The following RBMS1 variants were observed in gnomAD, a reference collection of about 807,000 sequenced individuals.
RBMS1 encodes the protein RNA binding motif single stranded interacting protein 1.
Under a neutral mutation model 62.3 loss-of-function variants are expected in RBMS1, and 17 were observed. The ratio of observed to expected loss-of-function variants is 0.27; its 90% CI spans 0.19 to 0.41. The LOEUF is 0.41. RBMS1 is among the 10% of genes least tolerant of loss of function. The pLI, the probability that RBMS1 is intolerant of heterozygous loss-of-function variation, is 1.00. For synonymous variants in RBMS1, 172 were observed against 170.0 expected (o/e 1.01, Z -0.09); for missense variants, 334 against 504.5 (o/e 0.66, Z 3.24).
chr2:160,400,348 A>T (rs1695370110), intron 1 of RBMS1, among the ~76,000 whole-genome samples: 1 of 152,066 alleles, frequency 6.6e-6, no homozygotes, highest in South Asian at 2.1e-4. Flanking sequence ...ACAAAATGAA[A>T]AATACAAACA....
chr2:160,362,094 C>G (rs149535341), intron 2 of RBMS1, among the ~76,000 whole-genome samples: 164 of 152,330 alleles, frequency 1.1e-3, no homozygotes, highest in African/African-American at 3.7e-3. Flanking sequence ...AGAGAAGGCT[C>G]ACTTCTCTCA....
rs756246053 is a variant in RBMS1, at chr2:160,311,209, A to AATCTATCTATCT, written c.402+1935_402+1946dup. Among the ~76,000 whole-genome samples, 68 of 57,728 alleles carry AATCTATCTATCT rather than the reference A, an allele frequency of 1.2e-3. 1 individual carries two copies. Among genetic ancestry groups the AATCTATCTATCT allele is most frequent in the African/African-American group, 3.1e-3 (65 of 21,266 alleles). 37.9% of individuals were successfully genotyped at this position (57,728 alleles called of 152,430 possible). On this transcript the variant is annotated intron_variant, in intron 4 of 13. Coordinates refer to ENST00000348849, the MANE Select transcript of RBMS1 (RefSeq NM_016836.4). The stretch of plus-strand genomic sequence containing the variant: ...GACCCTGTCTCCAAAAAAAAAAAAA[A>AATCTATCTATCT]ATCTATCTATCTATCTATCTATCTA...
intron 1 of RBMS1, among the ~76,000 whole-genome samples, chr2:160,437,743 A>T (rs1364385542): frequency 6.6e-6 from 1 of 152,248 alleles, no homozygotes; most frequent in Non-Finnish European, 1.5e-5. Context: ...GGAATGGTCC[A>T]TATTGCCTGT....
intron 1 of RBMS1, among the ~76,000 whole-genome samples, chr2:160,375,896 G>GA (rs34226372): frequency 0.32 from 40,004 of 126,798 alleles, 6,237 homozygotes; most frequent in Middle Eastern, 0.45. Context: ...AAAATAAATG[G>GA]AAAAAAAAAA....
chr2:160,303,766 T>C (rs1423075733), intron 4 of RBMS1, among the ~76,000 whole-genome samples: 27 of 152,182 alleles, frequency 1.8e-4, no homozygotes, highest in Non-Finnish European at 4.4e-5. Context: ...TCTCAGTTGT[T>C]TGCGGTGTTT....
chr2:160,300,585 C>T (rs1460285775), intron 6 of RBMS1, 66 bp downstream of exon 6: 10 of 1,489,506 alleles, frequency 6.7e-6, no homozygotes, highest in Admixed American at 2.4e-5. Flanking sequence ...GAAGAGTCAT[C>T]ATGTGCTAAA....
At chr2:160,280,932 C>T (rs2105931261) in intron 10 of RBMS1, among the ~76,000 whole-genome samples, 1 of 152,242 alleles carries the variant, frequency 6.6e-6, no homozygotes, top group South Asian at 2.1e-4. Context: ...CCAAGTAACA[C>T]TGATGAAAAT....
intron 1 of RBMS1, among the ~76,000 whole-genome samples, chr2:160,432,814 A>G (rs1297459048): frequency 1.3e-5 from 2 of 151,878 alleles, no homozygotes; most frequent in African/African-American, 4.9e-5. Context: ...ACACTGCAGG[A>G]AATCTTTGTG....
chr2:160,425,102 C>T (rs1574041878), intron 1 of RBMS1, among the ~76,000 whole-genome samples: 1 of 152,258 alleles, frequency 6.6e-6, no homozygotes, highest in East Asian at 1.9e-4. Flanking sequence ...AAATTATCAT[C>T]TCCATTCCTG....
At chr2:160,473,438 T>A (rs1388584735) in intron 1 of RBMS1, among the ~76,000 whole-genome samples, 1 of 152,178 alleles carries the variant, frequency 6.6e-6, no homozygotes, top group Non-Finnish European at 1.5e-5. Flanking sequence ...TAAAAGTATT[T>A]TTAGGCAAAA....
chr2:160,282,356 T>C (rs770268791), intron 9 of RBMS1: 3 of 1,347,792 alleles, frequency 2.2e-6, no homozygotes, highest in South Asian at 1.1e-5. Context: ...TTCAGTTATC[T>C]GGACTGTAGC....
At chr2:160,441,008 C>T (rs1050050280) in intron 1 of RBMS1, among the ~76,000 whole-genome samples, 1 of 152,200 alleles carries the variant, frequency 6.6e-6, no homozygotes, top group East Asian at 1.9e-4. Context: ...TTCCCTTCCA[C>T]GAGTGTTCCC....
At chr2:160,493,237 G>C (rs994232039) in intron 1 of RBMS1, 52 bp downstream of exon 1, 38 of 1,554,022 alleles carry the variant, frequency 2.4e-5, no homozygotes, top group Non-Finnish European at 3.3e-5. Flanking sequence ...GACCCTGCGC[G>C]CGTCCCCGGG....
At position 160,390,428 on chromosome 2, in the gene RBMS1, T is replaced by C. The variant is rs117460842; in HGVS notation, c.76-23037A>G. ...GGAAGGGCTCAAGACTGATGGCTCATGCCTGTAATCTCAACACTTCGGAAG... is the reference window on the plus strand; with the variant it reads ...GGAAGGGCTCAAGACTGATGGCTCACGCCTGTAATCTCAACACTTCGGAAG... On this transcript the variant is annotated intron_variant, in intron 1 of 13. Coordinates refer to ENST00000348849, the MANE Select transcript of RBMS1 (RefSeq NM_016836.4). Among the ~76,000 whole-genome samples the C allele has an allele frequency of 1.7e-3, 264 of 152,318 alleles. 6 individuals are homozygous for C. The East Asian group carries it at 0.044, about 25-fold the overall frequency.
intron 1 of RBMS1, among the ~76,000 whole-genome samples, chr2:160,434,940 C>T (rs1683052743): frequency 6.6e-6 from 1 of 152,100 alleles, no homozygotes; most frequent in Non-Finnish European, 1.5e-5. Context: ...TGGTAAGAAT[C>T]CCAGGGCAGA....
intron 1 of RBMS1, among the ~76,000 whole-genome samples, chr2:160,385,406 T>C (rs973617912): frequency 1.3e-5 from 2 of 152,230 alleles, no homozygotes; most frequent in African/African-American, 2.4e-5. Context: ...GAGAGAAAGC[T>C]AACTAAAACA....
At chr2:160,323,612 GAA>G (rs1213069883) in intron 2 of RBMS1, among the ~76,000 whole-genome samples, 8 of 86,098 alleles carry the variant, frequency 9.3e-5, no homozygotes, top group African/African-American at 5.3e-4. Context: ...TTTCATGAAA[GAA>G]AAAAAAAAAA....
At chr2:160,345,233 A>G (rs1692110715) in intron 2 of RBMS1, among the ~76,000 whole-genome samples, 1 of 152,144 alleles carries the variant, frequency 6.6e-6, no homozygotes, top group Admixed American at 6.5e-5. Context: ...AACAGCCCAG[A>G]AAAGAGGGCT....
intron 1 of RBMS1, among the ~76,000 whole-genome samples, chr2:160,429,771 C>T (rs900215757): frequency 3.3e-5 from 5 of 152,206 alleles, no homozygotes; most frequent in Non-Finnish European, 7.3e-5. Context: ...GTAGACATTT[C>T]CAGAAATACC....
Sources: gnomAD v4.1 joint callset for allele counts (sites outside exome capture counted in the v4.1 genomes callset) on GRCh38, gnomAD v4.1.1 for gene constraint, MANE v1.5 for transcripts, NCBI Gene and HGNC (gene_info 2026-07-23, HGNC 2026-07-21) for gene names.